Variants in NCOA6 observed in about 807,000 individuals in gnomAD.
NCOA6 encodes nuclear receptor coactivator 6.
In NCOA6, 49 loss-of-function variants were observed where a neutral mutation model predicts 171.4. The ratio of observed to expected loss-of-function variants is 0.29; its 90% CI spans 0.23 to 0.36. The LOEUF (loss-of-function observed/expected upper bound fraction) is 0.36. Among genes scored for constraint, NCOA6 ranks in the 10% least tolerant of loss-of-function variants. The pLI is 1.00. For missense variants in NCOA6, 2,248 were observed against 2,554.5 expected, an observed-to-expected ratio of 0.88 and a Z score of 2.59; for synonymous variants, 910 against 927.5, an observed-to-expected ratio of 0.98 and a Z score of 0.34.
At chr20:34,808,047 G>C (rs1389071866) in intron 1 of NCOA6, among the ~76,000 whole-genome samples, 1 of 151,818 alleles carries the variant, frequency 6.6e-6, no homozygotes, top group Non-Finnish European at 1.5e-5. Context: ...CTACTCAGGA[G>C]GCTGAGGCAC....
Position 34,757,280 on chromosome 20 carries a change from T to C in NCOA6, c.1468A>G (p.Met490Val), listed in dbSNP as rs372638647. The C allele has an allele frequency of 4.3e-6, 7 of 1,612,790 alleles. No homozygotes were observed. The highest frequency in any genetic ancestry group is 1.3e-5 in the African/African-American group (1 of 74,914). The change falls in exon 7 of 15, where the codon ATG becomes GTG. Residue 490 changes from methionine (M) to valine (V), a missense_variant. Transcript: ENST00000359003. ...VQQGNVPPNF[M>V]VMQQQPPNQG... ...TTTGGTGGTTGCTGCTGCATCACCA[T>C]GAAGTTAGGTGGCACATTTCCCTGT... is the stretch of plus-strand genomic sequence containing the variant.
chr20:34,742,281 A>C lies in NCOA6; in HGVS notation c.3975T>G (p.Ser1325Arg). The C allele has an allele frequency of 6.2e-7, 1 of 1,614,134 alleles. No individual in the cohort carries two copies. The change falls in exon 11 of 15, where the codon AGT becomes AGG. Residue 1325 changes from serine to arginine, a missense_variant. By Grantham distance (110) the Ser-to-Arg change is moderately radical (BLOSUM62 -1). Around this residue, in one of 7 missense-constraint regions of NCOA6, gnomAD observed 884 missense variants for 941.9 expected, o/e 0.94. Coordinates refer to ENST00000359003, the MANE Select transcript of NCOA6 (RefSeq NM_014071.5). ...QSNSGATKRA[S>R]PSNSRRSSPG... is the part of the protein sequence containing the mutation. ...GACTAGACCTGCGACTGTTGCTTGGACTTGCCCGTTTTGTTGCTCCAGAAT... is the reference window on the plus strand; with the variant it reads ...GACTAGACCTGCGACTGTTGCTTGGCCTTGCCCGTTTTGTTGCTCCAGAAT...
chr20:34,773,130 G>A (rs2077201645), intron 4 of NCOA6, among the ~76,000 whole-genome samples: 1 of 152,124 alleles, frequency 6.6e-6, no homozygotes. Flanking sequence ...ATGTTTACTT[G>A]TTTACATATC....
intron 10 of NCOA6, 151 bp downstream of exon 10, chr20:34,746,656 G>C: frequency 1.1e-6 from 1 of 909,116 alleles, no homozygotes; most frequent in Non-Finnish European, 1.5e-6. Flanking sequence ...TTAATATCAA[G>C]GCAAAGCTTC....
intron 3 of NCOA6, among the ~76,000 whole-genome samples, chr20:34,781,242 A>G (rs2077509884): frequency 6.6e-6 from 1 of 152,168 alleles, no homozygotes; most frequent in South Asian, 2.1e-4. Context: ...TAAAACCCCC[A>G]AGCCTTAAAA....
intron 5 of NCOA6, 117 bp downstream of exon 5, chr20:34,768,347 G>C (rs2077040945): frequency 1.5e-6 from 2 of 1,323,102 alleles, no homozygotes; most frequent in Non-Finnish European, 2.1e-6. Flanking sequence ...TCCTGATTCA[G>C]CAAATAGAGA....
chr20:34,792,940 G>T (rs1031417356), intron 1 of NCOA6, among the ~76,000 whole-genome samples: 1 of 151,778 alleles, frequency 6.6e-6, no homozygotes, highest in Non-Finnish European at 1.5e-5. Flanking sequence ...ACCACATCTG[G>T]ATAATTTTTT....
intron 2 of NCOA6, among the ~76,000 whole-genome samples, chr20:34,783,713 C>T (rs1002771835): frequency 5.9e-5 from 9 of 152,200 alleles, no homozygotes; most frequent in Non-Finnish European, 1.0e-4. Context: ...ACCTCCACCT[C>T]CCAGGTTCAA....
chr20:34,722,131 A>G (rs1311916574), intron 14 of NCOA6, among the ~76,000 whole-genome samples: 1 of 149,706 alleles, frequency 6.7e-6, no homozygotes, highest in Non-Finnish European at 1.5e-5. Context: ...CTGTAATCCC[A>G]GCACTTTGGG....
At chr20:34,791,042 G>A (rs556256643) in intron 2 of NCOA6, among the ~76,000 whole-genome samples, 1 of 152,160 alleles carries the variant, frequency 6.6e-6, no homozygotes, top group Non-Finnish European at 1.5e-5. Context: ...GATGGGGAAT[G>A]GGACATCTTA....
At chr20:34,735,093 C>T (rs893888231) in intron 12 of NCOA6, among the ~76,000 whole-genome samples, 6 of 152,066 alleles carry the variant, frequency 3.9e-5, no homozygotes, top group Admixed American at 6.6e-5. Context: ...GATTCATTTA[C>T]GCCAGACTTC....
At chr20:34,775,620 G>A (rs2077289206) in intron 4 of NCOA6, among the ~76,000 whole-genome samples, 1 of 148,498 alleles carries the variant, frequency 6.7e-6, no homozygotes, top group Admixed American at 6.8e-5. Flanking sequence ...GGGAGGTGGA[G>A]GTTGCAGTGA....
chr20:34,736,567 A>G, intron 12 of NCOA6, 123 bp downstream of exon 12: 2 of 785,264 alleles, frequency 2.5e-6, no homozygotes, highest in Admixed American at 3.2e-5. Flanking sequence ...TCTGCTCTGA[A>G]GCAAACAGAT....
rs764442540 is a variant in NCOA6 at position 34,741,065 on chromosome 20, G to T, written c.5191C>A (p.Pro1731Thr). The change falls in exon 11 of 15, where the codon CCT (proline) becomes ACT (threonine). Residue 1731 changes from proline to threonine, a missense_variant. Physicochemically the swap from Pro to Thr is conservative, Grantham distance 38. This residue lies in a region of NCOA6 where 884 missense variants were observed against 941.9 expected (regional missense o/e 0.94). Coordinates refer to ENST00000359003, the MANE Select transcript of NCOA6 (RefSeq NM_014071.5). Reference sequence around the variant, plus strand: ...GTGGCTCGTGAGCTAAGGACCAAAGGTCGACCTGTCTGGATGTTTGGAGCA... The same window carrying T: ...GTGGCTCGTGAGCTAAGGACCAAAGTTCGACCTGTCTGGATGTTTGGAGCA... ...SPAPNIQTGR[P>T]LVLSSRATPV... is the part of the protein sequence containing the mutation. 1.2e-6 allele frequency: 2 copies of T among 1,614,224 alleles called. No individual in the cohort carries two copies. Among genetic ancestry groups the T allele is most frequent in the South Asian group, 2.2e-5 (2 of 91,088 alleles).
intron 8 of NCOA6, among the ~76,000 whole-genome samples, chr20:34,753,370 A>T (rs2076549727): frequency 6.6e-6 from 1 of 151,570 alleles, no homozygotes; most frequent in Non-Finnish European, 1.5e-5. Flanking sequence ...CCTATAAAAA[A>T]ACATGAATTT....
intron 1 of NCOA6, among the ~76,000 whole-genome samples, chr20:34,805,225 TAG>T (rs975947276): frequency 1.3e-5 from 2 of 152,046 alleles, no homozygotes; most frequent in African/African-American, 4.8e-5. Context: ...ATATTTTTAG[TAG>T]AGATGAGGTT....
rs1381041080 is a variant in NCOA6, at chr20:34,741,224, T to C, written c.5032A>G (p.Ile1678Val). ...QVMKGSQPSTIPAAPLTTNSG... is the reference protein window; with the variant it reads ...QVMKGSQPSTVPAAPLTTNSG... ...TTGGTTGTCAGTGGGGCTGCAGGAA[T>C]TGTGCTTGGCTGTGATCCTTTCATA... Residue 1678 changes from isoleucine (I) to valine (V), a missense_variant, in exon 11 of 15, where the codon ATT (isoleucine) becomes GTT (valine). Physicochemically the swap from Ile to Val is conservative, Grantham distance 29 (BLOSUM62 3). This residue lies in a region of NCOA6 where 884 missense variants were observed against 941.9 expected (regional missense o/e 0.94). Coordinates refer to ENST00000359003, the MANE Select transcript of NCOA6 (RefSeq NM_014071.5). 6.2e-7 allele frequency: 1 copy of C among 1,614,206 alleles called. No homozygotes were observed. The highest frequency in any genetic ancestry group is 8.5e-7 in the Non-Finnish European group (1 of 1,180,026).
chr20:34,823,255 C>T (rs930187658), intron 1 of NCOA6, among the ~76,000 whole-genome samples: 4 of 152,090 alleles, frequency 2.6e-5, no homozygotes, highest in African/African-American at 4.8e-5. Flanking sequence ...CGGTGGCTCA[C>T]GCCTGTAATC....
chr20:34,808,717 C>T (rs1458587695), intron 1 of NCOA6, among the ~76,000 whole-genome samples: 1 of 152,104 alleles, frequency 6.6e-6, no homozygotes, highest in East Asian at 1.9e-4. Flanking sequence ...GGATTACAGG[C>T]GTGAGCCACA....
Sources: gnomAD v4.1 joint callset for allele counts (sites outside exome capture counted in the v4.1 genomes callset) on GRCh38, gnomAD v4.1.1 for gene constraint, gnomAD v4.1.1 regional missense constraint, MANE v1.5 for transcripts, NCBI Gene and HGNC (gene_info 2026-07-23, HGNC 2026-07-21) for gene names.